SLC35A1: variants seen among roughly 807,000 people sequenced by gnomAD.
SLC35A1 encodes solute carrier family 35 member A1.
Under a neutral mutation model 40.3 loss-of-function variants are expected in SLC35A1, and 21 were observed. The ratio of observed to expected loss-of-function variants is 0.52; its 90% CI spans 0.37 to 0.75. SLC35A1 has a LOEUF of 0.75. SLC35A1 is among the 30% of genes least tolerant of loss of function. SLC35A1 has a pLI of 0.00. For missense variants in SLC35A1, 297 were observed against 382.1 expected (o/e 0.78, Z 1.86); for synonymous variants, 146 against 147.3 (o/e 0.99, Z 0.06).
intron 1 of SLC35A1, 26 bp downstream of exon 1, chr6:87,473,045 G>A: frequency 1.9e-6 from 1 of 535,722 alleles, no homozygotes; most frequent in Non-Finnish European, 3.0e-6. Flanking sequence ...GCTGGGAGTG[G>A]GGAGTCCGCG....
chr6:87,511,551 T>G lies in SLC35A1; in HGVS notation c.*25T>G. 1 of 1,612,960 alleles carries G rather than the reference T, an allele frequency of 6.2e-7. No individual in the cohort carries two copies. The highest frequency in any genetic ancestry group is 1.1e-5 in the South Asian group (1 of 91,042). On this transcript the variant is annotated 3_prime_UTR_variant, in exon 8 of 8. Coordinates refer to ENST00000369552, the MANE Select transcript of SLC35A1 (RefSeq NM_006416.5). ...ATTTTAGCCTCACGTGAGACTCCTT[T>G]TAAGACTAAACCATTTGCATTAAAC...
At chr6:87,495,140 T>G (rs572644809) in intron 2 of SLC35A1, among the ~76,000 whole-genome samples, 1 of 152,260 alleles carries the variant, frequency 6.6e-6, no homozygotes, top group South Asian at 2.1e-4. Flanking sequence ...CAGCTAATTT[T>G]GTAGACATGG....
At position 87,477,214 on chromosome 6, in the gene SLC35A1, A is replaced by G. The variant is rs16879893; in HGVS notation, c.17-148A>G. Reference sequence around the variant, plus strand: ...GTGCACGCTCATGTAATTGGCAAACATTGTTTTGAAAAAAATTTTTAAGCA... The same window carrying G: ...GTGCACGCTCATGTAATTGGCAAACGTTGTTTTGAAAAAAATTTTTAAGCA... On this transcript the variant is annotated intron_variant, in intron 1 of 7. Coordinates refer to ENST00000369552, the MANE Select transcript of SLC35A1 (RefSeq NM_006416.5). 0.36 allele frequency: 236,703 copies of G among 656,482 alleles called. 44,335 individuals carry two copies. Among genetic ancestry groups the G allele is most frequent in the Admixed American group, 0.49 (19,914 of 40,660 alleles). 40.7% of individuals were successfully genotyped at this position (656,482 alleles called of 1,614,324 possible).
intron 2 of SLC35A1, among the ~76,000 whole-genome samples, chr6:87,489,267 G>T (rs1385268010): frequency 2.2e-5 from 3 of 133,666 alleles, no homozygotes; most frequent in Non-Finnish European, 4.8e-5. Context: ...CTAGTGGGAG[G>T]TGTTTAGGTT....
intron 7 of SLC35A1, among the ~76,000 whole-genome samples, chr6:87,510,302 AT>A (rs1445564891): frequency 3.3e-5 from 5 of 152,250 alleles, no homozygotes; most frequent in African/African-American, 1.2e-4. Context: ...ATCTATCTTT[AT>A]GTTCAACAAA....
At chr6:87,493,853 C>CT (rs138759177) in intron 2 of SLC35A1, among the ~76,000 whole-genome samples, 44,861 of 100,964 alleles carry the variant, frequency 0.44, 6,870 homozygotes, top group Admixed American at 0.54. Context: ...ACTTGAGATT[C>CT]CCCCATCCTT....
chr6:87,502,213 C>T (rs1349088366), intron 4 of SLC35A1, among the ~76,000 whole-genome samples: 1 of 152,092 alleles, frequency 6.6e-6, no homozygotes, highest in African/African-American at 2.4e-5. Context: ...TACACTTTTC[C>T]TTATATTTTT....
At chr6:87,496,673 G>A (rs1769734992) in intron 2 of SLC35A1, among the ~76,000 whole-genome samples, 1 of 151,514 alleles carries the variant, frequency 6.6e-6, no homozygotes, top group Non-Finnish European at 1.5e-5. Flanking sequence ...CCACTTACTT[G>A]GGAGGCTGAA....
At chr6:87,481,660 T>G (rs1482650976) in intron 2 of SLC35A1, among the ~76,000 whole-genome samples, 1 of 152,232 alleles carries the variant, frequency 6.6e-6, no homozygotes, top group East Asian at 1.9e-4. Context: ...TAAAACCCTG[T>G]AGACATATTT....
At chr6:87,489,637 G>A (rs2127968579) in intron 2 of SLC35A1, among the ~76,000 whole-genome samples, 1 of 149,042 alleles carries the variant, frequency 6.7e-6, no homozygotes, top group East Asian at 2.0e-4. Context: ...CGCCTCCAAG[G>A]TTCAAGCGAT....
chr6:87,511,251 T>C, intron 7 of SLC35A1, 148 bp from the exon 8 acceptor site: 1 of 814,548 alleles, frequency 1.2e-6, no homozygotes, highest in South Asian at 1.6e-5. Context: ...TTTTTGGCTG[T>C]AATGGAAGAC....
intron 5 of SLC35A1, 83 bp downstream of exon 5, chr6:87,506,531 C>A: frequency 1.8e-6 from 2 of 1,113,740 alleles, no homozygotes; most frequent in Non-Finnish European, 2.8e-6. Flanking sequence ...GTTTATCTTG[C>A]TTTCTCAGTT....
At chr6:87,482,578 C>T (rs1769274960) in intron 2 of SLC35A1, among the ~76,000 whole-genome samples, 1 of 152,154 alleles carries the variant, frequency 6.6e-6, no homozygotes, top group South Asian at 2.1e-4. Flanking sequence ...TAAGAGTTTC[C>T]CTATCACTTA....
intron 2 of SLC35A1, among the ~76,000 whole-genome samples, chr6:87,494,297 TATATC>T (rs1447704053): frequency 6.6e-6 from 1 of 152,222 alleles, no homozygotes; most frequent in African/African-American, 2.4e-5. Context: ...TATGAATTAT[TATATC>T]AGATAACTTT....
chr6:87,480,134 A>G (rs1354175488), intron 2 of SLC35A1, among the ~76,000 whole-genome samples: 1 of 152,260 alleles, frequency 6.6e-6, no homozygotes. Flanking sequence ...ACTTCACTGC[A>G]TCCTGTTAAG....
At chr6:87,505,650 T>TATGG (rs1182666270) in intron 4 of SLC35A1, among the ~76,000 whole-genome samples, 2 of 152,204 alleles carry the variant, frequency 1.3e-5, no homozygotes, top group Non-Finnish European at 1.5e-5. Flanking sequence ...AGGCTCATTC[T>TATGG]ATGGCAGAAG....
At chr6:87,501,997 G>A (rs1312275511) in intron 4 of SLC35A1, among the ~76,000 whole-genome samples, 1 of 152,068 alleles carries the variant, frequency 6.6e-6, no homozygotes, top group Non-Finnish European at 1.5e-5. Flanking sequence ...TGAAGGTCAG[G>A]AGTTTCCTAC....
intron 6 of SLC35A1, 132 bp from the exon 7 acceptor site, chr6:87,508,909 C>T (rs1202985627): frequency 1.0e-6 from 1 of 977,500 alleles, no homozygotes; most frequent in East Asian, 2.5e-5. Flanking sequence ...TCTCAGATGG[C>T]TCCTTCTAAG....
At chr6:87,477,077 T>A (rs952873530) in intron 1 of SLC35A1, among the ~76,000 whole-genome samples, 7 of 151,974 alleles carry the variant, frequency 4.6e-5, no homozygotes, top group African/African-American at 1.7e-4. Context: ...CATCCTGAAC[T>A]AGAATCAGTA....
Sources: allele counts gnomAD v4.1 joint callset (sites outside exome capture counted in the v4.1 genomes callset), GRCh38; gene constraint gnomAD v4.1.1; transcripts MANE v1.5; gene names NCBI Gene and HGNC (gene_info 2026-07-23, HGNC 2026-07-21).